RANBP2: variants seen among roughly 807,000 people sequenced by gnomAD.
RANBP2 encodes the protein E3 SUMO-protein ligase RanBP2.
In RANBP2, 57 loss-of-function variants were observed where a neutral mutation model predicts 303.6. The observed-to-expected ratio is 0.19, with a 90% CI of 0.15 to 0.23. The LOEUF is 0.23. RANBP2 is among the 10% of genes least tolerant of loss of function. RANBP2 has a pLI of 1.00. For missense variants in RANBP2, 3,138 were observed against 3,780.8 expected, an observed-to-expected ratio of 0.83 and a Z score of 4.46; for synonymous variants, 1,167 against 1,301.5, an observed-to-expected ratio of 0.90 and a Z score of 2.23.
At chr2:109,020,256 T>C in the RANBP2 span, among the ~76,000 whole-genome samples, 2 of 152,084 alleles carry the variant, frequency 1.3e-5, no homozygotes, top group African/African-American at 2.4e-5. Flanking sequence ...CAGAGACAGT[T>C]TCCAGCTCTG....
At chr2:108,930,893 AG>A in the RANBP2 span, 81 of 1,537,376 alleles carry the variant, frequency 5.3e-5, no homozygotes, top group Non-Finnish European at 7.2e-5. Flanking sequence ...TTACAGCTGA[AG>A]AGGCCAAGAA....
the RANBP2 span, among the ~76,000 whole-genome samples, chr2:109,595,298 T>C: frequency 3.9e-5 from 6 of 152,202 alleles, no homozygotes; most frequent in Non-Finnish European, 7.3e-5. Flanking sequence ...ACGGTTCTGA[T>C]TGTGTTTTTA....
the RANBP2 span, among the ~76,000 whole-genome samples, chr2:108,973,868 C>G: frequency 1.3e-5 from 2 of 152,306 alleles, no homozygotes; most frequent in East Asian, 3.9e-4. Context: ...TCTTGGGATT[C>G]AAGATGAGGA....
the RANBP2 span, among the ~76,000 whole-genome samples, chr2:109,208,125 A>G: frequency 6.6e-6 from 1 of 152,240 alleles, no homozygotes; most frequent in African/African-American, 2.4e-5. Context: ...TGCTGCCCCC[A>G]TGGGCTCAGA....
the RANBP2 span, among the ~76,000 whole-genome samples, chr2:109,436,557 G>A: frequency 2.6e-5 from 4 of 152,258 alleles, no homozygotes; most frequent in Non-Finnish European, 4.4e-5. Context: ...TGAGTCATCT[G>A]TTCTTTCTGG....
the RANBP2 span, among the ~76,000 whole-genome samples, chr2:109,037,980 C>G: frequency 6.6e-6 from 1 of 152,148 alleles, no homozygotes; most frequent in East Asian, 1.9e-4. Flanking sequence ...AGGCACAAGT[C>G]CTGGAATAGC....
the RANBP2 span, among the ~76,000 whole-genome samples, chr2:109,521,194 G>A: frequency 2.0e-5 from 3 of 150,966 alleles, no homozygotes; most frequent in Admixed American, 1.3e-4. Flanking sequence ...CTCCAGCCTG[G>A]GTGACAGAGC....
At chr2:109,111,180 A>C in the RANBP2 span, among the ~76,000 whole-genome samples, 2 of 152,200 alleles carry the variant, frequency 1.3e-5, no homozygotes, top group African/African-American at 2.4e-5. Flanking sequence ...ATTCTTTATC[A>C]TGAATCAAAA....
chr2:109,409,574 C>A, the RANBP2 span, among the ~76,000 whole-genome samples: 2 of 152,120 alleles, frequency 1.3e-5, no homozygotes, highest in African/African-American at 4.8e-5. Flanking sequence ...CCTCCATCTT[C>A]AGTGGTGAGC....
At chr2:109,509,291 G>T in the RANBP2 span, among the ~76,000 whole-genome samples, 11 of 152,332 alleles carry the variant, frequency 7.2e-5, no homozygotes, top group Non-Finnish European at 1.2e-4. Flanking sequence ...GCTATGGAAA[G>T]AAGTGTGCAA....
At chr2:109,589,788 A>G in the RANBP2 span, among the ~76,000 whole-genome samples, 1 of 151,994 alleles carries the variant, frequency 6.6e-6, no homozygotes, top group East Asian at 1.9e-4. Context: ...ATGTCCACCC[A>G]AGAACTTATG....
At chr2:109,176,303 T>C in the RANBP2 span, among the ~76,000 whole-genome samples, 1 of 152,162 alleles carries the variant, frequency 6.6e-6, no homozygotes, top group African/African-American at 2.4e-5. Flanking sequence ...AATTGAAAGG[T>C]TATTTCATTG....
the RANBP2 span, among the ~76,000 whole-genome samples, chr2:108,828,280 T>C: frequency 6.6e-6 from 1 of 152,014 alleles, no homozygotes; most frequent in African/African-American, 2.4e-5. Context: ...ACACAAATGG[T>C]AAAAATAACA....
At chr2:109,132,431 G>A in the RANBP2 span, among the ~76,000 whole-genome samples, 3 of 152,232 alleles carry the variant, frequency 2.0e-5, no homozygotes, top group South Asian at 6.2e-4. Flanking sequence ...CATCGGTTTT[G>A]GTGATCACCA....
At chr2:109,261,086 C>G in the RANBP2 span, among the ~76,000 whole-genome samples, 2 of 152,174 alleles carry the variant, frequency 1.3e-5, no homozygotes, top group Non-Finnish European at 2.9e-5. Flanking sequence ...TACACGGGTC[C>G]ATTTCTGCCA....
At chr2:109,364,159 G>GTT in the RANBP2 span, among the ~76,000 whole-genome samples, 19 of 141,856 alleles carry the variant, frequency 1.3e-4, no homozygotes, top group African/African-American at 4.6e-4. Context: ...CTCCATTATG[G>GTT]TTTTTTTTTT....
At chr2:109,628,103 ATCT>A in the RANBP2 span, among the ~76,000 whole-genome samples, 3 of 152,174 alleles carry the variant, frequency 2.0e-5, no homozygotes, top group African/African-American at 4.8e-5. Flanking sequence ...TCTCATGGAC[ATCT>A]TCTGGGAGGA....
At chr2:108,787,710 T>G (rs957671868), downstream of RANBP2, among the ~76,000 whole-genome samples, 3 of 152,142 alleles carry the variant, frequency 2.0e-5, no homozygotes, top group Non-Finnish European at 4.4e-5. Flanking sequence ...TCTGTAAGGT[T>G]GTTTTTTTTT....
chr2:109,016,601 A>C, the RANBP2 span, among the ~76,000 whole-genome samples: 1 of 152,198 alleles, frequency 6.6e-6, no homozygotes, highest in Non-Finnish European at 1.5e-5. Flanking sequence ...CGTGAGCTTC[A>C]AACCTCATCC....
Sources: allele counts gnomAD v4.1 joint callset (sites outside exome capture counted in the v4.1 genomes callset), GRCh38; gene constraint gnomAD v4.1.1; transcripts MANE v1.5; gene names NCBI Gene and HGNC (gene_info 2026-07-23, HGNC 2026-07-21).